Variants in IRF4 observed in about 807,000 individuals in gnomAD.
The protein encoded by IRF4 is interferon regulatory factor 4.
In IRF4, 13 loss-of-function variants were observed where a neutral mutation model predicts 55.5. The ratio of observed to expected loss-of-function variants is 0.23; its 90% CI spans 0.15 to 0.37. IRF4 has a LOEUF of 0.37. Among genes scored for constraint, IRF4 ranks in the 10% least tolerant of loss-of-function variants. The pLI is 1.00. For missense variants in IRF4, 397 were observed against 593.8 expected (o/e 0.67, Z 3.44); for synonymous variants, 249 against 240.7 (o/e 1.03, Z -0.32).
At position 410,311 on chromosome 6, in the gene IRF4, T is replaced by C. The variant is rs1761665840; in HGVS notation, c.*2713T>C. The C allele has an allele frequency of 4.4e-6, 1 of 227,114 alleles. No homozygotes were observed. Among genetic ancestry groups the C allele is most frequent in the East Asian group, 6.3e-5 (1 of 15,946 alleles). 14.1% of individuals were successfully genotyped at this position (227,114 alleles called of 1,614,324 possible). On this transcript the variant is annotated 3_prime_UTR_variant, in exon 9 of 9. Coordinates refer to ENST00000380956, the MANE Select transcript of IRF4 (RefSeq NM_002460.4). ...TAGGAAAACCTCAAGCAGTAATTAA[T>C]ATCTCCTGGAACACTATAGAGAACC...
chr6:407,618 TTTTC>T lies in IRF4; in HGVS notation c.*24_*27del, dbSNP rs1381521944. The T allele has an allele frequency of 6.3e-7, 1 of 1,578,480 alleles. No homozygotes were observed. Among genetic ancestry groups the T allele is most frequent in the Admixed American group, 2.0e-5 (1 of 49,874 alleles). ...GAATGAAAAATGTCAAGATGAGTGG[TTTTC>T]TTTTTCCTTTTTTTTTTTTTTTTTT... On this transcript the variant is annotated 3_prime_UTR_variant, in exon 9 of 9. Transcript: ENST00000380956.
rs182474429 is a variant in IRF4, at chr6:410,118, T to C, written c.*2520T>C. 29 of 227,410 alleles carry C rather than the reference T, an allele frequency of 1.3e-4. No individual in the cohort carries two copies. In the Admixed American group the frequency reaches 1.4e-3, roughly 11 times the overall value. 14.1% of individuals were successfully genotyped at this position (227,410 alleles called of 1,614,324 possible). A position where few individuals can be genotyped will look rare whatever the true frequency, so the allele number is the denominator to read the frequency against. On this transcript the variant is annotated 3_prime_UTR_variant, in exon 9 of 9. Transcript: ENST00000380956. ...GAAAAGGAACGGCTTCCTCATTCCTTGTCTTGATAAAGTGGAATTGGCAAA... is the reference window on the plus strand; with the variant it reads ...GAAAAGGAACGGCTTCCTCATTCCTCGTCTTGATAAAGTGGAATTGGCAAA...
At chr6:406,734 C>G in intron 8 of IRF4, 1 of 1,139,068 alleles carries the variant, frequency 8.8e-7, no homozygotes, top group South Asian at 1.5e-5. Context: ...ATGAGTTCCA[C>G]TTTTAAAAAT....
chr6:406,808 T>C (rs980836902), intron 8 of IRF4: 1 of 1,208,414 alleles, frequency 8.3e-7, no homozygotes, highest in Non-Finnish European at 1.1e-6. Context: ...TAAAATACAG[T>C]CTCTAATATC....
rs905943897 is a variant in IRF4 at position 391,782 on chromosome 6, C to T, written c.-83C>T. 1 of 456,238 alleles carries T rather than the reference C, an allele frequency of 2.2e-6. No individual in the cohort carries two copies. Among genetic ancestry groups the T allele is most frequent in the Non-Finnish European group, 4.4e-6 (1 of 226,956 alleles). The allele number at this position is 456,238 out of a possible 1,614,324, so 28.3% of individuals were successfully genotyped here. ...CACCGCTCGATCTTGGGACCCACCG[C>T]TGCCCTCAGCTCCGAGTCCAGGGCG... is the stretch of plus-strand genomic sequence containing the variant. On this transcript the variant is annotated 5_prime_UTR_variant, in exon 1 of 9. Transcript: ENST00000380956.
chr6:393,210 G>T lies in IRF4; in HGVS notation c.58G>T (p.Gly20Cys). Residue 20 changes from glycine to cysteine, a missense_variant, in exon 2 of 9, where the codon GGC (glycine) becomes TGC (cysteine). Gly to Cys is a radical substitution (Grantham distance 159). Around this residue, in one of 3 missense-constraint regions of IRF4, gnomAD observed 34 missense variants for 29.4 expected, o/e 1.16. Transcript: ENST00000380956. The surrounding 1 kb of genome is among the most constrained non-coding windows in gnomAD (Gnocchi z 5.4). Reference sequence around the variant, plus strand: ...GTTCGGCATGAGCGCGGTGAGCTGCGGCAACGGGAAGCTCCGCCAGTGGCT... The same window carrying T: ...GTTCGGCATGAGCGCGGTGAGCTGCTGCAACGGGAAGCTCCGCCAGTGGCT... ...GEFGMSAVSC[G>C]NGKLRQWLID... 1.9e-6 allele frequency: 3 copies of T among 1,560,956 alleles called. No homozygotes were observed. Among genetic ancestry groups the T allele is most frequent in the South Asian group, 1.2e-5 (1 of 84,796 alleles).
intron 6 of IRF4, among the ~76,000 whole-genome samples, chr6:399,814 A>G (rs2127439188): frequency 6.6e-6 from 1 of 152,274 alleles, no homozygotes; most frequent in Admixed American, 6.5e-5. Flanking sequence ...AGCTCTTTCT[A>G]GTTGTGAATG....
intron 2 of IRF4, among the ~76,000 whole-genome samples, chr6:394,534 G>A (rs1156517445): frequency 6.6e-6 from 1 of 152,208 alleles, no homozygotes; most frequent in East Asian, 1.9e-4. Flanking sequence ...TTGGGAAGAT[G>A]AGGTGGAAGG....
rs768325467 is a variant in IRF4, at chr6:410,130, G to T, written c.*2532G>T. ...CTTCCTCATTCCTTGTCTTGATAAA[G>T]TGGAATTGGCAAACTAGAATTTAGT... is the stretch of plus-strand genomic sequence containing the variant. On this transcript the variant is annotated 3_prime_UTR_variant, in exon 9 of 9. Coordinates refer to ENST00000380956, the MANE Select transcript of IRF4 (RefSeq NM_002460.4). The T allele has an allele frequency of 5.4e-4, 123 of 228,026 alleles. No homozygotes were observed. The highest frequency in any genetic ancestry group is 9.1e-4 in the Non-Finnish European group (104 of 114,746). The allele number at this position is 228,026 out of a possible 1,614,324, so 14.1% of individuals were successfully genotyped here. A position where few individuals can be genotyped will look rare whatever the true frequency, so the allele number is the denominator to read the frequency against.
At chr6:402,469 C>A (rs557670347) in intron 7 of IRF4, among the ~76,000 whole-genome samples, 24 of 150,760 alleles carry the variant, frequency 1.6e-4, no homozygotes, top group African/African-American at 4.5e-4. Context: ...ACCCGCCACT[C>A]GCCACCCCAC....
chr6:403,220 T>C (rs1394324815), intron 7 of IRF4, among the ~76,000 whole-genome samples: 7 of 152,130 alleles, frequency 4.6e-5, no homozygotes. Flanking sequence ...GGGTTGGGCA[T>C]GGTGTTCATG....
At chr6:398,012 G>T (rs1305442297) in intron 5 of IRF4, among the ~76,000 whole-genome samples, 1 of 152,218 alleles carries the variant, frequency 6.6e-6, no homozygotes, top group Non-Finnish European at 1.5e-5. Flanking sequence ...TTGGCTGCAG[G>T]TAGTGAAGAG....
intron 7 of IRF4, among the ~76,000 whole-genome samples, chr6:404,541 G>T (rs575749179): frequency 1.3e-5 from 2 of 152,236 alleles, no homozygotes; most frequent in Admixed American, 1.3e-4. Flanking sequence ...GTGGATGTCC[G>T]CAGTAGCACA....
At chr6:400,766 T>G (rs1346081510) in intron 6 of IRF4, among the ~76,000 whole-genome samples, 4 of 140,616 alleles carry the variant, frequency 2.8e-5, no homozygotes, top group African/African-American at 1.1e-4. Context: ...ATTAAGCACC[T>G]AATTCTATAT....
chr6:404,225 G>C (rs1009774329), intron 7 of IRF4, among the ~76,000 whole-genome samples: 1 of 152,236 alleles, frequency 6.6e-6, no homozygotes, highest in African/African-American at 2.4e-5. Flanking sequence ...TTGTGTACAG[G>C]GGAGGGAGCA....
chr6:401,985 C>T (rs1287817605), intron 7 of IRF4, among the ~76,000 whole-genome samples: 2 of 152,176 alleles, frequency 1.3e-5, no homozygotes, highest in Non-Finnish European at 2.9e-5. Context: ...CCAGGTGGAC[C>T]ATGGCTCAGG....
At chr6:397,335 G>A in intron 5 of IRF4, 83 bp downstream of exon 5, 1 of 1,508,644 alleles carries the variant, frequency 6.6e-7, no homozygotes. Context: ...TCTGTCCTGG[G>A]CAGCACCAAA....
At position 393,615 on chromosome 6, in the gene IRF4, C is replaced by T. The variant is rs1222851211; in HGVS notation, c.216+247C>T. On this transcript the variant is annotated intron_variant, in intron 2 of 8. Transcript: ENST00000380956. The surrounding 1 kb of genome is among the most constrained non-coding windows in gnomAD (Gnocchi z 5.4). ...AGGCTGCAGGGAAACCGCTGAAGGC[C>T]CGGCCGGGCCCGGGGAAGGGCGGCC... Among the ~76,000 whole-genome samples the T allele has an allele frequency of 6.6e-6, 1 of 152,088 alleles. No homozygotes were observed. Among genetic ancestry groups the T allele is most frequent in the Non-Finnish European group, 1.5e-5 (1 of 68,016 alleles).
chr6:396,034 A>G (rs1053205730), intron 4 of IRF4, 99 bp downstream of exon 4: 2 of 914,768 alleles, frequency 2.2e-6, no homozygotes, highest in East Asian at 2.6e-5. Context: ...AGAACTTGCC[A>G]TTTGCTATGG....
Sources: allele counts gnomAD v4.1 joint callset (sites outside exome capture counted in the v4.1 genomes callset), GRCh38; gene constraint gnomAD v4.1.1; regional missense constraint gnomAD v4.1.1; non-coding constraint Gnocchi (gnomAD v3.1); transcripts MANE v1.5; gene names NCBI Gene and HGNC (gene_info 2026-07-23, HGNC 2026-07-21).